TNIK: variants seen among roughly 807,000 people sequenced by gnomAD.
TNIK encodes TRAF2 and NCK interacting kinase.
TNIK carries 49 observed loss-of-function variants against 191.3 expected under a neutral mutation model. The observed-to-expected ratio is 0.26, with a 90% confidence interval of 0.20 to 0.32. The LOEUF (loss-of-function observed/expected upper bound fraction) is 0.32. Among genes scored for constraint, TNIK ranks in the 10% least tolerant of loss-of-function variants. The probability of loss-of-function intolerance (pLI) is 1.00; values close to 1 mark genes in which losing one functional copy is unlikely to be tolerated. For synonymous variants in TNIK, 594 were observed against 600.9 expected, an observed-to-expected ratio of 0.99 and a Z score of 0.17; for missense variants, 1,155 against 1,702.3, an observed-to-expected ratio of 0.68 and a Z score of 5.66.
intron 2 of TNIK, among the ~76,000 whole-genome samples, chr3:171,338,935 T>A (rs1757249098): frequency 6.6e-6 from 1 of 152,206 alleles, no homozygotes; most frequent in South Asian, 2.1e-4. Context: ...TCTAGGACTG[T>A]CTGACTCTGC....
intron 2 of TNIK, chr3:171,347,025 G>A (rs774403314): frequency 5.2e-4 from 528 of 1,011,338 alleles, no homozygotes; most frequent in Non-Finnish European, 6.3e-4. Context: ...TCCTGCAGGC[G>A]TTCATATGAG....
chr3:171,128,909 AC>A (rs1319762972), intron 15 of TNIK, 31 bp from the exon 16 acceptor site: 1 of 1,493,104 alleles, frequency 6.7e-7, no homozygotes, highest in Non-Finnish European at 8.9e-7. Context: ...AAAAAAAAAG[AC>A]AGCCTCAATG....
At chr3:171,176,389 G>T (rs372135515) in intron 8 of TNIK, among the ~76,000 whole-genome samples, 1 of 152,138 alleles carries the variant, frequency 6.6e-6, no homozygotes, top group Non-Finnish European at 1.5e-5. Flanking sequence ...CAAATAAAGG[G>T]CCTATTTTTG....
At chr3:171,079,922 T>C (rs1308531650) in intron 27 of TNIK, among the ~76,000 whole-genome samples, 2 of 152,210 alleles carry the variant, frequency 1.3e-5, no homozygotes, top group African/African-American at 4.8e-5. Context: ...GCTCTTACTC[T>C]CTCTTCCCAA....
At chr3:171,351,194 C>G (rs1245563961) in intron 2 of TNIK, among the ~76,000 whole-genome samples, 2 of 151,566 alleles carry the variant, frequency 1.3e-5, no homozygotes, top group Non-Finnish European at 2.9e-5. Flanking sequence ...GCTGGGCTGC[C>G]CTATGTATTC....
intron 7 of TNIK, 38 bp from the exon 8 acceptor site, chr3:171,177,418 C>A: frequency 1.3e-6 from 2 of 1,580,420 alleles, no homozygotes; most frequent in South Asian, 2.3e-5. Context: ...TAAATTCAGT[C>A]AACAAAGGAC....
At chr3:171,071,397 A>C (rs566928831) in intron 28 of TNIK, 74 bp from the exon 29 acceptor site, 43 of 989,988 alleles carry the variant, frequency 4.3e-5, no homozygotes, top group Non-Finnish European at 5.8e-5. Context: ...TAATGAATGT[A>C]TAAGCAACAA....
chr3:171,396,293 C>CTTTT (rs35680033), intron 1 of TNIK, among the ~76,000 whole-genome samples: 1 of 152,138 alleles, frequency 6.6e-6, no homozygotes, highest in African/African-American at 2.4e-5. Context: ...TACTTCATTC[C>CTTTT]TTTTTATGGC....
intron 1 of TNIK, among the ~76,000 whole-genome samples, chr3:171,406,292 C>T (rs753103604): frequency 6.6e-6 from 1 of 152,116 alleles, no homozygotes; most frequent in African/African-American, 2.4e-5. Context: ...AACTCTGATG[C>T]CATGGCACAT....
chr3:171,157,222 C>G lies in TNIK; in HGVS notation c.1221+238G>C, dbSNP rs59371968. The stretch of plus-strand genomic sequence containing the variant: ...AGGTGCTGAGAAGGTGATATATGGG[C>G]AAGACAGGAAGGGGTGACGGCCTTC... On this transcript the variant is annotated intron_variant, in intron 12 of 32. Coordinates refer to ENST00000436636, the MANE Select transcript of TNIK (RefSeq NM_015028.4). Among the ~76,000 whole-genome samples, 1,308 of 152,268 alleles carry G rather than the reference C, an allele frequency of 8.6e-3. 13 individuals carry two copies. The highest frequency in any genetic ancestry group is 0.03 in the African/African-American group (1,252 of 41,546).
At chr3:171,278,836 A>G (rs1321225374) in intron 2 of TNIK, among the ~76,000 whole-genome samples, 4 of 152,230 alleles carry the variant, frequency 2.6e-5, no homozygotes, top group African/African-American at 9.6e-5. Context: ...TTTATTCCAT[A>G]TCTGGGATTC....
At chr3:171,071,161 T>A in intron 29 of TNIK, 62 bp downstream of exon 29, 1 of 1,339,660 alleles carries the variant, frequency 7.5e-7, no homozygotes, top group Non-Finnish European at 1.0e-6. Flanking sequence ...GACTATTTTA[T>A]TAATGGGTAG....
intron 2 of TNIK, among the ~76,000 whole-genome samples, chr3:171,359,738 A>G (rs1714692691): frequency 6.6e-6 from 1 of 152,252 alleles, no homozygotes; most frequent in Non-Finnish European, 1.5e-5. Context: ...TAAACTACAG[A>G]GATAAGAAAT....
chr3:171,308,051 T>A (rs1753644795), intron 2 of TNIK, among the ~76,000 whole-genome samples: 1 of 152,162 alleles, frequency 6.6e-6, no homozygotes, highest in African/African-American at 2.4e-5. Context: ...CCAATGACAT[T>A]ATTCACAGAA....
In TNIK at chr3:171,128,699, G is replaced by A; in HGVS notation, c.1773+15C>T. The A allele has an allele frequency of 6.3e-7, 1 of 1,599,864 alleles. No individual in the cohort carries two copies. Among genetic ancestry groups the A allele is most frequent in the Non-Finnish European group, 8.5e-7 (1 of 1,172,718 alleles). ...AACTTATTGGAATGCCTGATGGAAT[G>A]GAGGCAGACTGTACCTGGGGATCGA... On this transcript the variant is annotated intron_variant, in intron 16 of 32. Coordinates refer to ENST00000436636, the MANE Select transcript of TNIK (RefSeq NM_015028.4).
At chr3:171,152,771 T>A (rs1319276549) in intron 12 of TNIK, among the ~76,000 whole-genome samples, 1 of 66,210 alleles carries the variant, frequency 1.5e-5, no homozygotes, top group Non-Finnish European at 2.5e-5. Flanking sequence ...TGTTTTTTGT[T>A]TTTTGTTTTT....
At chr3:171,132,751 C>A (rs1463074704) in intron 15 of TNIK, among the ~76,000 whole-genome samples, 1 of 152,042 alleles carries the variant, frequency 6.6e-6, no homozygotes, top group Admixed American at 6.6e-5. Context: ...CTGTTGACAG[C>A]AAATATATAT....
intron 4 of TNIK, among the ~76,000 whole-genome samples, chr3:171,201,630 G>T (rs9824475): frequency 0.75 from 113,656 of 151,966 alleles, 42,890 homozygotes; most frequent in East Asian, 0.86. Flanking sequence ...CAAAAGGTAG[G>T]TTAAGTCTCA....
chr3:171,263,363 C>T (rs910794353), intron 2 of TNIK, among the ~76,000 whole-genome samples: 1 of 152,044 alleles, frequency 6.6e-6, no homozygotes, highest in Non-Finnish European at 1.5e-5. Context: ...TGGAATAAAT[C>T]AAGAATCAGA....
Sources: allele counts gnomAD v4.1 joint callset (sites outside exome capture counted in the v4.1 genomes callset), GRCh38; gene constraint gnomAD v4.1.1; transcripts MANE v1.5; gene names NCBI Gene and HGNC (gene_info 2026-07-23, HGNC 2026-07-21).